Variants in RORA observed in about 807,000 individuals in gnomAD.
RORA encodes nuclear receptor ROR-alpha.
In RORA, 7 loss-of-function variants were observed where a neutral mutation model predicts 69.5. The ratio of observed to expected loss-of-function variants is 0.10; its 90% CI spans 0.06 to 0.19. The LOEUF (loss-of-function observed/expected upper bound fraction) is 0.19. Ranked by LOEUF, RORA falls within the 10% of genes least tolerant of loss-of-function variation. The probability of loss-of-function intolerance (pLI) is 1.00; values close to 1 mark genes in which losing one functional copy is unlikely to be tolerated. For synonymous variants in RORA, 261 were observed against 240.8 expected, an observed-to-expected ratio of 1.08 and a Z score of -0.78; for missense variants, 457 against 663.0, an observed-to-expected ratio of 0.69 and a Z score of 3.41.
intron 1 of RORA, among the ~76,000 whole-genome samples, chr15:61,040,153 TATATATATATAA>T (rs1173029121): frequency 3.5e-5 from 4 of 113,414 alleles, no homozygotes; most frequent in African/African-American, 1.3e-4. Context: ...TATATATATA[TATATATATATAA>T]AATATATGAA....
intron 1 of RORA, among the ~76,000 whole-genome samples, chr15:60,751,671 C>A (rs760418071): frequency 6.6e-6 from 1 of 152,140 alleles, no homozygotes; most frequent in Non-Finnish European, 1.5e-5. Flanking sequence ...TTGACCACTG[C>A]GGGCCTGGCT....
chr15:61,087,076 T>C (rs1251395237), intron 1 of RORA, among the ~76,000 whole-genome samples: 1 of 152,084 alleles, frequency 6.6e-6, no homozygotes, highest in Non-Finnish European at 1.5e-5. Context: ...GAGGCTGAGG[T>C]GGGAGGCTTG....
intron 1 of RORA, among the ~76,000 whole-genome samples, chr15:60,856,810 T>C (rs2073385185): frequency 6.6e-6 from 1 of 152,152 alleles, no homozygotes; most frequent in Admixed American, 6.5e-5. Flanking sequence ...GTCAGAAGCA[T>C]GTGTTGGTAA....
intron 1 of RORA, among the ~76,000 whole-genome samples, chr15:60,723,282 A>G (rs1431613901): frequency 6.6e-6 from 1 of 152,152 alleles, no homozygotes; most frequent in African/African-American, 2.4e-5. Flanking sequence ...TTCGATGCGC[A>G]TATAGGTTGA....
At chr15:60,695,725 C>T (rs2070893565) in intron 1 of RORA, among the ~76,000 whole-genome samples, 1 of 152,076 alleles carries the variant, frequency 6.6e-6, no homozygotes, top group Non-Finnish European at 1.5e-5. Flanking sequence ...TGATTCCTGC[C>T]TCGCGCCCCC....
At chr15:60,709,595 G>T (rs1303257923) in intron 1 of RORA, among the ~76,000 whole-genome samples, 5 of 151,862 alleles carry the variant, frequency 3.3e-5, no homozygotes, top group Non-Finnish European at 2.9e-5. Flanking sequence ...GAACCCTGTT[G>T]TGAAGTGCAC....
intron 1 of RORA, among the ~76,000 whole-genome samples, chr15:60,756,136 T>C (rs575276617): frequency 6.6e-6 from 1 of 152,312 alleles, no homozygotes; most frequent in Non-Finnish European, 1.5e-5. Context: ...AAGGTGATAA[T>C]AGCAGATATT....
intron 1 of RORA, among the ~76,000 whole-genome samples, chr15:61,083,650 A>G (rs1260451477): frequency 6.6e-6 from 1 of 152,010 alleles, no homozygotes; most frequent in Non-Finnish European, 1.5e-5. Flanking sequence ...CTCAGGCACT[A>G]AAGGGGAAAA....
Position 60,869,780 on chromosome 15 carries a change from C to T in RORA, c.167-191094G>A, listed in dbSNP as rs549563516. On this transcript the variant is annotated intron_variant, in intron 1 of 10. Coordinates refer to ENST00000335670, the MANE Select transcript of RORA (RefSeq NM_134261.3). ...TAAAATGGACAAGAAAGTGCATAAG[C>T]GATGCTAGCCCTAAGGGGAACCCTG... Among the ~76,000 whole-genome samples the T allele has an allele frequency of 3.2e-4, 48 of 152,312 alleles. No individual in the cohort carries two copies. In the South Asian group the frequency reaches 8.7e-3, roughly 28 times the overall value.
intron 2 of RORA, among the ~76,000 whole-genome samples, chr15:60,639,339 G>A (rs995389767): frequency 6.7e-6 from 1 of 149,860 alleles, no homozygotes; most frequent in African/African-American, 2.5e-5. Context: ...AATCTTTCAT[G>A]CTTATTTTCC....
chr15:60,886,353 C>T (rs1440035753), intron 1 of RORA, among the ~76,000 whole-genome samples: 1 of 152,170 alleles, frequency 6.6e-6, no homozygotes, highest in Non-Finnish European at 1.5e-5. Context: ...GGATATGTTT[C>T]CCATCTCCCG....
At chr15:60,848,404 A>G in intron 1 of RORA, 1 of 152,568 alleles carries the variant, frequency 6.6e-6, no homozygotes, top group Non-Finnish European at 1.5e-5. Flanking sequence ...GGGGAGTCAG[A>G]GAGGGAGGTG....
chr15:60,805,670 A>G (rs529217809), intron 1 of RORA, among the ~76,000 whole-genome samples: 1 of 152,228 alleles, frequency 6.6e-6, no homozygotes, highest in South Asian at 2.1e-4. Context: ...ATAGGATTAC[A>G]TGGTAGGTCT....
chr15:61,112,083 C>T (rs58612728), intron 1 of RORA, among the ~76,000 whole-genome samples: 19,752 of 152,162 alleles, frequency 0.13, 1,413 homozygotes, highest in South Asian at 0.21. Flanking sequence ...GTGTGCTCCA[C>T]GAACTGCTGC....
intron 1 of RORA, among the ~76,000 whole-genome samples, chr15:60,868,861 C>T (rs951330093): frequency 6.6e-6 from 1 of 152,150 alleles, no homozygotes; most frequent in Non-Finnish European, 1.5e-5. Context: ...GCACTTCATG[C>T]CTTCCTGTCT....
intron 1 of RORA, among the ~76,000 whole-genome samples, chr15:60,937,821 C>T (rs1892571110): frequency 1.3e-5 from 2 of 152,224 alleles, no homozygotes; most frequent in African/African-American, 2.4e-5. Context: ...GATAATGTTA[C>T]ATAAACTTGC....
chr15:60,927,682 G>C (rs768083864), intron 1 of RORA, among the ~76,000 whole-genome samples: 1 of 152,180 alleles, frequency 6.6e-6, no homozygotes, highest in Admixed American at 6.5e-5. Context: ...GCTGAGGCAT[G>C]AGAATCACTT....
intron 1 of RORA, among the ~76,000 whole-genome samples, chr15:61,139,440 G>A (rs1368277031): frequency 2.6e-5 from 4 of 152,154 alleles, no homozygotes; most frequent in African/African-American, 9.7e-5. Context: ...AACCAACAAA[G>A]TAATGAAAGA....
In RORA at chr15:60,977,821, T is replaced by C. The variant is rs115699179; in HGVS notation, c.166+251232A>G. Among the ~76,000 whole-genome samples the C allele has an allele frequency of 5.8e-3, 877 of 152,328 alleles. 14 individuals carry two copies. Among genetic ancestry groups the C allele is most frequent in the African/African-American group, 0.02 (842 of 41,568 alleles). On this transcript the variant is annotated intron_variant, in intron 1 of 10. Transcript: ENST00000335670. ...CCTTTTTATAGCTGAATAATATTCCTCTGCATGGAGATACCAGATTTTGCA... is the reference window on the plus strand; with the variant it reads ...CCTTTTTATAGCTGAATAATATTCCCCTGCATGGAGATACCAGATTTTGCA...
Sources: allele counts gnomAD v4.1 joint callset (sites outside exome capture counted in the v4.1 genomes callset), GRCh38; gene constraint gnomAD v4.1.1; transcripts MANE v1.5; gene names NCBI Gene and HGNC (gene_info 2026-07-23, HGNC 2026-07-21).